ZNF385D: variants seen among roughly 807,000 people sequenced by gnomAD.
ZNF385D encodes the protein zinc finger protein 659.
A neutral mutation model predicts 35.8 loss-of-function variants in ZNF385D; 15 were observed. That is an observed-to-expected ratio of 0.42 (90% CI 0.28 to 0.64). The LOEUF (loss-of-function observed/expected upper bound fraction) is 0.64. Among genes scored for constraint, ZNF385D ranks in the 30% least tolerant of loss-of-function variants. The pLI, the probability that ZNF385D is intolerant of heterozygous loss-of-function variation, is 0.23. For missense variants in ZNF385D, 474 were observed against 494.6 expected, an observed-to-expected ratio of 0.96 and a Z score of 0.39; for synonymous variants, 212 against 186.8, an observed-to-expected ratio of 1.13 and a Z score of -1.10.
intron 3 of ZNF385D, among the ~76,000 whole-genome samples, chr3:21,935,594 A>G (rs1701219572): frequency 6.6e-6 from 1 of 152,140 alleles, no homozygotes; most frequent in Admixed American, 6.6e-5. Flanking sequence ...ACGAAAATCA[A>G]TTTCCTATCT....
intron 3 of ZNF385D, among the ~76,000 whole-genome samples, chr3:21,838,934 T>C (rs577185593): frequency 1.3e-5 from 2 of 152,208 alleles, no homozygotes; most frequent in South Asian, 4.1e-4. Context: ...ATATAAAACA[T>C]TTTTCATATT....
At chr3:21,681,527 G>C (rs111253479) in intron 1 of ZNF385D, among the ~76,000 whole-genome samples, 4 of 151,570 alleles carry the variant, frequency 2.6e-5, no homozygotes, top group African/African-American at 9.7e-5. Flanking sequence ...AGGAAAGCTG[G>C]CTGACTCTCA....
At chr3:21,575,100 T>C (rs1332133912) in intron 2 of ZNF385D, among the ~76,000 whole-genome samples, 7 of 152,238 alleles carry the variant, frequency 4.6e-5, no homozygotes, top group African/African-American at 1.7e-4. Flanking sequence ...TTTATCATTA[T>C]TTTCTTTTGA....
intron 3 of ZNF385D, among the ~76,000 whole-genome samples, chr3:21,870,475 C>G (rs1045394577): frequency 4.6e-5 from 7 of 152,290 alleles, no homozygotes; most frequent in African/African-American, 1.2e-4. Flanking sequence ...GGCTACTTAT[C>G]TTCAACATGT....
chr3:21,725,229 A>G (rs2068709588), intron 1 of ZNF385D, among the ~76,000 whole-genome samples: 1 of 152,198 alleles, frequency 6.6e-6, no homozygotes, highest in East Asian at 1.9e-4. Context: ...AAGAAAAAGC[A>G]GGAAAGATCC....
At chr3:21,918,803 T>C (rs1700317518) in intron 3 of ZNF385D, among the ~76,000 whole-genome samples, 1 of 152,206 alleles carries the variant, frequency 6.6e-6, no homozygotes, top group Non-Finnish European at 1.5e-5. Context: ...TTAATCATTT[T>C]AGTTAAATTT....
intron 1 of ZNF385D, among the ~76,000 whole-genome samples, chr3:21,696,957 G>A (rs1007815625): frequency 2.6e-5 from 4 of 152,264 alleles, no homozygotes; most frequent in Admixed American, 2.0e-4. Flanking sequence ...TAAAAGAAAG[G>A]AAAACTACAA....
At chr3:21,445,744 T>C (rs1407040125) in intron 4 of ZNF385D, among the ~76,000 whole-genome samples, 1 of 152,178 alleles carries the variant, frequency 6.6e-6, no homozygotes, top group Non-Finnish European at 1.5e-5. Context: ...ATCAAATTTG[T>C]TAGGCATTTG....
chr3:21,915,873 A>C (rs1015534072), intron 3 of ZNF385D, among the ~76,000 whole-genome samples: 2 of 152,274 alleles, frequency 1.3e-5, no homozygotes, highest in Non-Finnish European at 2.9e-5. Context: ...CAAACACGGC[A>C]AAAATAACTC....
At chr3:22,292,759 A>G (rs900425618) in intron 2 of ZNF385D, among the ~76,000 whole-genome samples, 1 of 152,110 alleles carries the variant, frequency 6.6e-6, no homozygotes, top group Non-Finnish European at 1.5e-5. Context: ...CTAGAGCTCT[A>G]TTCTTTTTCT....
intron 3 of ZNF385D, among the ~76,000 whole-genome samples, chr3:22,141,258 C>T (rs890054507): frequency 1.3e-5 from 2 of 151,458 alleles, no homozygotes; most frequent in Non-Finnish European, 3.0e-5. Flanking sequence ...AGCATTGTTC[C>T]CAATGCAATA....
intron 2 of ZNF385D, among the ~76,000 whole-genome samples, chr3:22,228,998 T>G (rs1376516242): frequency 6.6e-6 from 1 of 152,256 alleles, no homozygotes; most frequent in African/African-American, 2.4e-5. Flanking sequence ...GTTTTAGGAC[T>G]TGGACTGGCT....
intron 3 of ZNF385D, among the ~76,000 whole-genome samples, chr3:21,877,654 T>C (rs1248108286): frequency 6.6e-6 from 1 of 152,058 alleles, no homozygotes; most frequent in Non-Finnish European, 1.5e-5. Context: ...ACTTAGTTAA[T>C]AAAGCTAATT....
At position 21,523,947 on chromosome 3, in the gene ZNF385D, A is replaced by G. The variant is rs570131875; in HGVS notation, c.277-12924T>C. Among the ~76,000 whole-genome samples the G allele has an allele frequency of 4.6e-5, 7 of 152,340 alleles. No individual in the cohort carries two copies. In the East Asian group the frequency reaches 1.3e-3, roughly 29 times the overall value. On this transcript the variant is annotated intron_variant, in intron 3 of 7. Coordinates refer to ENST00000281523, the MANE Select transcript of ZNF385D (RefSeq NM_024697.3). Reference sequence around the variant, plus strand: ...GGCCACATCTAAGAATTTGATTATGACGGTGAAAACAGAGAAATGAGTAAT... The same window carrying G: ...GGCCACATCTAAGAATTTGATTATGGCGGTGAAAACAGAGAAATGAGTAAT...
At chr3:21,501,067 G>T (rs1428603543) in intron 4 of ZNF385D, among the ~76,000 whole-genome samples, 1 of 152,048 alleles carries the variant, frequency 6.6e-6, no homozygotes, top group Non-Finnish European at 1.5e-5. Context: ...AGCTTTTTTC[G>T]CAGGCTACAT....
At chr3:22,262,730 C>T (rs568822219) in intron 2 of ZNF385D, among the ~76,000 whole-genome samples, 47 of 151,924 alleles carry the variant, frequency 3.1e-4, no homozygotes, top group Non-Finnish European at 5.9e-5. Context: ...GTACCAACTA[C>T]CTGTACAAAC....
chr3:22,192,969 A>G (rs1696160317), intron 2 of ZNF385D, among the ~76,000 whole-genome samples: 1 of 152,176 alleles, frequency 6.6e-6, no homozygotes, highest in Admixed American at 6.6e-5. Flanking sequence ...GGTTTTTGAC[A>G]AAGGTCTATT....
At chr3:21,551,985 CTA>C (rs921592424) in intron 3 of ZNF385D, among the ~76,000 whole-genome samples, 4 of 152,106 alleles carry the variant, frequency 2.6e-5, no homozygotes, top group Admixed American at 1.3e-4. Flanking sequence ...GAACTACAAA[CTA>C]TTATTTTCAT....
At chr3:21,987,663 C>T (rs1199298211) in intron 3 of ZNF385D, among the ~76,000 whole-genome samples, 8 of 141,644 alleles carry the variant, frequency 5.6e-5, no homozygotes, top group Non-Finnish European at 1.1e-4. Context: ...TTGCTCTTCT[C>T]GAGGAGTATC....
Sources: allele counts gnomAD v4.1 joint callset (sites outside exome capture counted in the v4.1 genomes callset), GRCh38; gene constraint gnomAD v4.1.1; transcripts MANE v1.5; gene names NCBI Gene and HGNC (gene_info 2026-07-23, HGNC 2026-07-21).